ADGRG1: variants seen among roughly 807,000 people sequenced by gnomAD.
The protein encoded by ADGRG1 is 7-transmembrane protein with no EGF-like N-terminal domains-1.
In ADGRG1, 53 loss-of-function variants were observed where a neutral mutation model predicts 73.5. The observed-to-expected ratio is 0.72, with a 90% CI of 0.58 to 0.91. The LOEUF (loss-of-function observed/expected upper bound fraction) is 0.91, where lower values mean the gene tolerates loss of function less well. Ranked by LOEUF, ADGRG1 falls within the 40% of genes least tolerant of loss-of-function variation. The pLI is 0.00. For missense variants in ADGRG1, 795 were observed against 871.8 expected, an observed-to-expected ratio of 0.91 and a Z score of 1.11; for synonymous variants, 394 against 374.4, an observed-to-expected ratio of 1.05 and a Z score of -0.60.
intron 1 of ADGRG1, chr16:57,645,295 G>A (rs1351856076): frequency 1.0e-6 from 1 of 985,336 alleles, no homozygotes. Flanking sequence ...AGGCCTCCAG[G>A]TGGGCAAGAC....
chr16:57,641,143 G>A, intron 1 of ADGRG1: 3 of 832,810 alleles, frequency 3.6e-6, no homozygotes, highest in South Asian at 1.1e-4. Flanking sequence ...AGGCAGTCAG[G>A]GGACAAACAT....
At position 57,654,067 on chromosome 16, in the gene ADGRG1, C is replaced by T. The variant is rs376931459; in HGVS notation, c.702C>T (p.Asn234=). 183 of 1,614,022 alleles carry T rather than the reference C, an allele frequency of 1.1e-4. No homozygotes were observed. Among genetic ancestry groups the T allele is most frequent in the Non-Finnish European group, 1.4e-4 (167 of 1,180,030 alleles). The change falls in exon 5 of 14, where the codon AAC becomes AAT. Residue 234 remains asparagine, a synonymous_variant. Coordinates refer to ENST00000562631, the MANE Select transcript of ADGRG1 (RefSeq NM_201525.4). ...TGTCCTTCGAGGAGGACCGGATCAA[C>T]GCCACGGTGTGGAAGCTCCAGCCCA... ...DMVSFEEDRI[N]ATVWKLQPTA...
At position 57,651,320 on chromosome 16, in the gene ADGRG1, A is replaced by C; in HGVS notation, c.185A>C (p.Glu62Ala). Residue 62 changes from glutamate (E) to alanine (A), a missense_variant, in exon 3 of 14, where the codon GAA becomes GCA. Glu to Ala is a moderately radical substitution (Grantham distance 107). Coordinates refer to ENST00000562631, the MANE Select transcript of ADGRG1 (RefSeq NM_201525.4). ...CTGCGCATCTCCATCGAGAACTCCG[A>C]AGAGGCCCTCACAGTCCATGCCCCT... ...PDLRISIENS[E>A]EALTVHAPFP... 3 of 1,614,036 alleles carry C rather than the reference A, an allele frequency of 1.9e-6. No homozygotes were observed. Among genetic ancestry groups the C allele is most frequent in the Non-Finnish European group, 2.5e-6 (3 of 1,179,992 alleles).
At chr16:57,635,108 C>A in intron 1 of ADGRG1, 1 of 985,298 alleles carries the variant, frequency 1.0e-6, no homozygotes. Flanking sequence ...AGGACACCCA[C>A]CTCCTGAATC....
intron 1 of ADGRG1, chr16:57,645,154 C>T: frequency 1.0e-6 from 1 of 985,474 alleles, no homozygotes; most frequent in Non-Finnish European, 1.2e-6. Context: ...TCCAAAGGCT[C>T]AGCAGCTCAG....
Position 57,656,025 on chromosome 16 carries a change from G to A in ADGRG1, c.1017+33G>A, listed in dbSNP as rs376846119. 111 of 1,613,720 alleles carry A rather than the reference G, an allele frequency of 6.9e-5. 1 individual carries two copies. The highest frequency in any genetic ancestry group is 2.6e-4 in the South Asian group (24 of 91,084). On this transcript the variant is annotated intron_variant, in intron 7 of 13. Coordinates refer to ENST00000562631, the MANE Select transcript of ADGRG1 (RefSeq NM_201525.4). ...GGGGCCAGCCATCAAGAGAACAAGC[G>A]CCCCTCGGCCATGTCACCCTTTCCT... is the stretch of plus-strand genomic sequence containing the variant.
intron 1 of ADGRG1, chr16:57,646,918 C>T: frequency 1.0e-6 from 1 of 984,880 alleles, no homozygotes; most frequent in Middle Eastern, 5.2e-4. Context: ...TGAGCAGAGG[C>T]AGGGCCCTTG....
Position 57,663,573 on chromosome 16 carries a change from C to A in ADGRG1, c.2055C>A (p.Ser685Arg), listed in dbSNP as rs751582455. ...LPISSGSTSS[S>R]RI ...TCAGCTCGGGCAGCACCTCGTCCAGCCGCATCTAGGCCTCCAGCCCACCTG... is the reference window on the plus strand; with the variant it reads ...TCAGCTCGGGCAGCACCTCGTCCAGACGCATCTAGGCCTCCAGCCCACCTG... The change falls in exon 14 of 14, where the codon AGC (serine) becomes AGA (arginine). Residue 685 changes from serine to arginine, a missense_variant. Transcript: ENST00000562631. 1.8e-5 allele frequency: 29 copies of A among 1,613,332 alleles called. No homozygotes were observed. The highest frequency in any genetic ancestry group is 2.3e-5 in the Non-Finnish European group (27 of 1,180,002).
Position 57,651,188 on chromosome 16 carries a change from C to T in ADGRG1, c.65-12C>T. 3 of 1,614,010 alleles carry T rather than the reference C, an allele frequency of 1.9e-6. No individual in the cohort carries two copies. Among genetic ancestry groups the T allele is most frequent in the Non-Finnish European group, 2.5e-6 (3 of 1,180,022 alleles). On this transcript the variant is annotated splice_polypyrimidine_tract_variant and intron_variant, in intron 2 of 13. Transcript: ENST00000562631. ...TGCCACGGGGTCCCATCTGCAGCCT[C>T]TGCCTCCTCAGGTGCCCACGGCAGG... is the stretch of plus-strand genomic sequence containing the variant.
chr16:57,654,194 G>A, intron 5 of ADGRG1, 61 bp downstream of exon 5: 54 of 1,541,448 alleles, frequency 3.5e-5, no homozygotes, highest in Non-Finnish European at 4.8e-5. Flanking sequence ...ATGGAGGTGG[G>A]GGCTGTGAGC....
rs2040236098 is a variant in ADGRG1, at chr16:57,639,578, C to T, written c.-35-10675C>T. On this transcript the variant is annotated intron_variant, in intron 1 of 13. Coordinates refer to ENST00000562631, the MANE Select transcript of ADGRG1 (RefSeq NM_201525.4). ...GGTCGGGGGACATTGACCCACCAGC[C>T]CCGCAGGCTACTGCCTGCAAACAAG... 6.1e-6 allele frequency: 6 copies of T among 985,040 alleles called. No homozygotes were observed. In the South Asian group the frequency reaches 2.8e-4, roughly 46 times the overall value. 61.0% of individuals were successfully genotyped at this position (985,040 alleles called of 1,614,324 possible). A position where few individuals can be genotyped will look rare whatever the true frequency, so the allele number is the denominator to read the frequency against.
chr16:57,643,536 A>G (rs2041385471), intron 1 of ADGRG1: 7 of 972,956 alleles, frequency 7.2e-6, no homozygotes, highest in Non-Finnish European at 8.5e-6. Flanking sequence ...CCACGGGGAC[A>G]GTGAGGCCTG....
upstream of ADGRG1, chr16:57,622,766 A>G (rs796662272): frequency 4.1e-6 from 4 of 985,172 alleles, no homozygotes; most frequent in Non-Finnish European, 4.8e-6. Flanking sequence ...ATGCTTAGGA[A>G]GACGGGGCGG....
rs1055373427 is a variant in ADGRG1 at position 57,634,201 on chromosome 16, G to A, written c.-36+5399G>A. On this transcript the variant is annotated intron_variant, in intron 1 of 13. Coordinates refer to ENST00000562631, the MANE Select transcript of ADGRG1 (RefSeq NM_201525.4). ...AGCAGCTGACCCCTTCTGGGTCCTT[G>A]GCTGAGTCTGGGCCTCAGGGTGTGG... 6 of 985,308 alleles carry A rather than the reference G, an allele frequency of 6.1e-6. No homozygotes were observed. The African/African-American group carries it at 1.0e-4, about 17-fold the overall frequency. The allele number at this position is 985,308 out of a possible 1,614,324, so 61.0% of individuals were successfully genotyped here. A position where few individuals can be genotyped will look rare whatever the true frequency, so the allele number is the denominator to read the frequency against.
At chr16:57,631,862 G>A in intron 1 of ADGRG1, 1 of 980,038 alleles carries the variant, frequency 1.0e-6, no homozygotes, top group Non-Finnish European at 1.2e-6. Context: ...GGGGAGCCCT[G>A]TAGATTCTGG....
chr16:57,629,185 C>T, intron 1 of ADGRG1: 1 of 984,562 alleles, frequency 1.0e-6, no homozygotes, highest in Non-Finnish European at 1.2e-6. Flanking sequence ...GTCTTGGTAT[C>T]TTGGTGGGAT....
chr16:57,636,538 T>C, intron 1 of ADGRG1: 1 of 985,270 alleles, frequency 1.0e-6, no homozygotes, highest in Non-Finnish European at 1.2e-6. Context: ...GATGGCTCAG[T>C]GCTTGAACCC....
intron 10 of ADGRG1, chr16:57,658,886 A>G: frequency 1.1e-6 from 1 of 888,046 alleles, no homozygotes; most frequent in Non-Finnish European, 1.3e-6. Flanking sequence ...GGACTCCAGG[A>G]TGGTGACACT....
intron 1 of ADGRG1, chr16:57,643,593 G>C (rs1391304525): frequency 2.0e-6 from 2 of 984,936 alleles, no homozygotes; most frequent in African/African-American, 3.5e-5. Flanking sequence ...TCTGGTGTAA[G>C]AGTGTGAGGC....
Sources: allele counts gnomAD v4.1 joint callset, GRCh38; gene constraint gnomAD v4.1.1; transcripts MANE v1.5; gene names NCBI Gene and HGNC (gene_info 2026-07-23, HGNC 2026-07-21).